The following PPP1R1C variants were observed in gnomAD, a reference collection of about 807,000 sequenced individuals.
PPP1R1C encodes protein phosphatase 1 regulatory inhibitor subunit 1C.
A neutral mutation model predicts 17.4 loss-of-function variants in PPP1R1C; 15 were observed. That is an observed-to-expected ratio of 0.86 (90% CI 0.58 to 1.33). The LOEUF (loss-of-function observed/expected upper bound fraction) is 1.33, where lower values mean the gene tolerates loss of function less well. PPP1R1C is among the 40% of genes most tolerant of loss of function. The pLI, the probability that PPP1R1C is intolerant of heterozygous loss-of-function variation, is 0.00. For synonymous variants in PPP1R1C, 35 were observed against 43.1 expected (o/e 0.81, Z 0.73); for missense variants, 143 against 130.0 (o/e 1.10, Z -0.48).
intron 4 of PPP1R1C, among the ~76,000 whole-genome samples, chr2:182,073,777 G>C (rs1688208240): frequency 6.6e-6 from 1 of 152,140 alleles, no homozygotes; most frequent in Admixed American, 6.5e-5. Context: ...TGGCAGACCT[G>C]AAGGCACAGA....
In PPP1R1C at chr2:182,117,239, G is replaced by A. The variant is rs866272829; in HGVS notation, c.274G>A (p.Ala92Thr). The A allele has an allele frequency of 1.3e-6, 2 of 1,561,946 alleles. No individual in the cohort carries two copies. The highest frequency in any genetic ancestry group is 1.7e-6 in the Non-Finnish European group (2 of 1,152,600). ...VKHLKGQNES[A>T]FPEEEEGTNE... ...GCATCTGAAAGGCCAGAATGAATCA[G>A]CATTCCCTGAAGAAGAAGAAGGCAC... The change falls in exon 5 of 5, where the codon GCA (alanine) becomes ACA (threonine). Residue 92 changes from alanine (A) to threonine (T), a missense_variant. Transcript: ENST00000682840.
chr2:182,095,323 A>C (rs1185651829), intron 4 of PPP1R1C, among the ~76,000 whole-genome samples: 2 of 151,910 alleles, frequency 1.3e-5, no homozygotes, highest in Admixed American at 1.3e-4. Flanking sequence ...AAAAAAAAGG[A>C]GTGACATGGT....
intron 2 of PPP1R1C, among the ~76,000 whole-genome samples, chr2:182,037,822 G>A (rs938405716): frequency 4.6e-5 from 7 of 152,010 alleles, no homozygotes; most frequent in Non-Finnish European, 8.8e-5. Flanking sequence ...CTAGAAACAA[G>A]AGTAGGCTCA....
At chr2:182,053,023 G>C (rs1034117198) in intron 2 of PPP1R1C, among the ~76,000 whole-genome samples, 1 of 152,178 alleles carries the variant, frequency 6.6e-6, no homozygotes, top group Non-Finnish European at 1.5e-5. Flanking sequence ...GGAAATTGAA[G>C]TTATTTTGGA....
intron 5 of PPP1R1C, among the ~76,000 whole-genome samples, chr2:182,127,578 G>A (rs7593912): frequency 0.28 from 42,053 of 151,876 alleles, 6,771 homozygotes; most frequent in African/African-American, 0.43. Context: ...GCATCTGGTC[G>A]GTCCAAGTAG....
downstream of PPP1R1C, chr2:182,130,204 G>T (rs1483068377): frequency 2.6e-5 from 4 of 151,988 alleles, no homozygotes; most frequent in Non-Finnish European, 5.9e-5. Flanking sequence ...TTCACAAATT[G>T]TTCATTATTA....
At chr2:182,031,547 T>G (rs1686839311) in intron 2 of PPP1R1C, among the ~76,000 whole-genome samples, 1 of 152,252 alleles carries the variant, frequency 6.6e-6, no homozygotes, top group Admixed American at 6.5e-5. Context: ...AAACACATTT[T>G]TTAAAAGAAT....
At chr2:182,100,944 A>G (rs538464016) in intron 4 of PPP1R1C, among the ~76,000 whole-genome samples, 1 of 152,154 alleles carries the variant, frequency 6.6e-6, no homozygotes, top group East Asian at 1.9e-4. Context: ...TTGTTTTCCC[A>G]TGTTTGGTGG....
chr2:182,117,320 T>A lies in PPP1R1C; in HGVS notation c.*25T>A. 2.7e-6 allele frequency: 4 copies of A among 1,481,838 alleles called. No individual in the cohort carries two copies. Among genetic ancestry groups the A allele is most frequent in the Non-Finnish European group, 3.7e-6 (4 of 1,093,940 alleles). The allele number at this position is 1,481,838 out of a possible 1,614,324, so 91.8% of individuals were successfully genotyped here. ...ATTACTGGTCTGCAGCAAGAAGGCT[T>A]CTTGGAAATAACTGAACTATTAACT... On this transcript the variant is annotated 3_prime_UTR_variant, in exon 5 of 5. Coordinates refer to ENST00000682840, the MANE Select transcript of PPP1R1C (RefSeq NM_001080545.3).
At chr2:182,052,279 A>C (rs1425943938) in intron 2 of PPP1R1C, among the ~76,000 whole-genome samples, 1 of 152,240 alleles carries the variant, frequency 6.6e-6, no homozygotes, top group Admixed American at 6.5e-5. Context: ...CAGATTAAAA[A>C]AGTGTCAATG....
At chr2:182,083,967 T>C (rs1297945992) in intron 4 of PPP1R1C, among the ~76,000 whole-genome samples, 2 of 152,106 alleles carry the variant, frequency 1.3e-5, no homozygotes, top group Non-Finnish European at 2.9e-5. Flanking sequence ...CTGGCTGGGG[T>C]GAGGTCGTAT....
intron 2 of PPP1R1C, among the ~76,000 whole-genome samples, chr2:182,050,839 C>T (rs1394496609): frequency 6.6e-6 from 1 of 152,216 alleles, no homozygotes; most frequent in Non-Finnish European, 1.5e-5. Flanking sequence ...ATTTATTAAT[C>T]TCAGTGTACT....
At position 181,961,023 on chromosome 2, in the gene PPP1R1C, A is replaced by G. The variant is rs1294796734; in HGVS notation, n.111+6389A>G. 2.0e-5 allele frequency among the ~76,000 whole-genome samples: 3 copies of G among 152,198 alleles called. No homozygotes were observed. Among genetic ancestry groups the G allele is most frequent in the African/African-American group, 4.8e-5 (2 of 41,452 alleles). On this transcript the variant is annotated intron_variant and non_coding_transcript_variant, in intron 1 of 5. Coordinates refer to the PPP1R1C transcript ENST00000464264. This position sits in a 1 kb window ranked among gnomAD's most constrained non-coding sequence, Gnocchi z 5.8. ...GATTCTTGGAAGGTAAAGGGCAGATAAAATCACTTTGCTGGAGAAATCAGA... is the reference window on the plus strand; with the variant it reads ...GATTCTTGGAAGGTAAAGGGCAGATGAAATCACTTTGCTGGAGAAATCAGA...
At chr2:182,073,823 G>A (rs1221714163) in intron 4 of PPP1R1C, among the ~76,000 whole-genome samples, 2 of 152,166 alleles carry the variant, frequency 1.3e-5, no homozygotes, top group Admixed American at 1.3e-4. Context: ...ACACTGTGGG[G>A]TGGGGGCAGA....
intron 2 of PPP1R1C, among the ~76,000 whole-genome samples, chr2:182,031,266 A>G (rs1264781841): frequency 1.3e-5 from 2 of 152,186 alleles, no homozygotes; most frequent in East Asian, 1.9e-4. Context: ...TGTTTATGTA[A>G]CAAGAATTAT....
At chr2:182,120,421 A>C (rs961591082), downstream of PPP1R1C, among the ~76,000 whole-genome samples, 4 of 152,198 alleles carry the variant, frequency 2.6e-5, no homozygotes, top group African/African-American at 9.6e-5. Flanking sequence ...AAGACTAATA[A>C]AGAAGAAAAG....
At chr2:182,046,981 T>C (rs1214729698) in intron 2 of PPP1R1C, among the ~76,000 whole-genome samples, 2 of 152,226 alleles carry the variant, frequency 1.3e-5, no homozygotes, top group Non-Finnish European at 2.9e-5. Flanking sequence ...AAAACGTTTC[T>C]GTGAAGTAAA....
At chr2:182,008,348 C>T (rs1279109566) in intron 2 of PPP1R1C, among the ~76,000 whole-genome samples, 1 of 151,652 alleles carries the variant, frequency 6.6e-6, no homozygotes, top group Non-Finnish European at 1.5e-5. Context: ...TTCTTGATGG[C>T]TTACAATAAA....
intron 2 of PPP1R1C, among the ~76,000 whole-genome samples, chr2:182,024,090 T>A (rs1686517085): frequency 6.6e-6 from 1 of 152,236 alleles, no homozygotes; most frequent in Non-Finnish European, 1.5e-5. Context: ...ACAAATTATT[T>A]TTGTATTTCA....
Sources: gnomAD v4.1 joint callset for allele counts (sites outside exome capture counted in the v4.1 genomes callset) on GRCh38, gnomAD v4.1.1 for gene constraint, Gnocchi (gnomAD v3.1) non-coding constraint, MANE v1.5 for transcripts, NCBI Gene and HGNC (gene_info 2026-07-23, HGNC 2026-07-21) for gene names.